BMX: variants seen among roughly 807,000 people sequenced by gnomAD.
The protein encoded by BMX is cytoplasmic tyrosine-protein kinase BMX.
In BMX, 31 loss-of-function variants were observed where a neutral mutation model predicts 59.2. The observed-to-expected ratio is 0.52, with a 90% CI of 0.39 to 0.71. The LOEUF (loss-of-function observed/expected upper bound fraction) is 0.71. Among genes scored for constraint, BMX ranks in the 30% least tolerant of loss-of-function variants. BMX has a pLI of 0.00. For synonymous variants in BMX, 185 were observed against 181.0 expected, an observed-to-expected ratio of 1.02 and a Z score of -0.18; for missense variants, 474 against 491.7, an observed-to-expected ratio of 0.96 and a Z score of 0.34.
At chrX:15,521,740 G>C (rs1203728108) in intron 6 of BMX, among the ~76,000 whole-genome samples, 1 of 111,081 alleles carries the variant, frequency 9.0e-6, no homozygotes, top group Non-Finnish European at 1.9e-5. Flanking sequence ...TTTTATAAAG[G>C]CCATTTTGAT....
Position 15,556,229 on chromosome X carries a change from T to A in BMX, c.*82T>A. The A allele has an allele frequency of 1.1e-6, 1 of 883,388 alleles. No homozygotes were observed. Among genetic ancestry groups the A allele is most frequent in the South Asian group, 2.6e-5 (1 of 38,098 alleles). 72.8% of individuals were successfully genotyped at this position (883,388 alleles called of 1,213,427 possible). ...TCATTTTAAGGAAAGTAGCAAGGCA[T>A]AATGTAATTTAGCTAGTTTTTAATA... is the stretch of plus-strand genomic sequence containing the variant. On this transcript the variant is annotated 3_prime_UTR_variant, in exon 19 of 19. Coordinates refer to ENST00000348343, the MANE Select transcript of BMX (RefSeq NM_203281.3).
intron 7 of BMX, 23 bp downstream of exon 7, chrX:15,522,610 G>C (rs1188930653): frequency 8.3e-7 from 1 of 1,208,693 alleles, no homozygotes; most frequent in African/African-American, 1.7e-5. Flanking sequence ...TTTCAGACGG[G>C]CTGCCCAGCA....
chrX:15,546,750 T>A (rs1036225743), intron 16 of BMX, 53 bp from the exon 17 acceptor site: 2 of 1,051,638 alleles, frequency 1.9e-6, no homozygotes, highest in Admixed American at 4.8e-5. Flanking sequence ...GTGTCCTTCA[T>A]CAGCCTGTAC....
intron 18 of BMX, among the ~76,000 whole-genome samples, chrX:15,554,981 T>C (rs924650476): frequency 1.8e-5 from 2 of 111,354 alleles, no homozygotes; most frequent in African/African-American, 6.5e-5. Flanking sequence ...TATGATATGT[T>C]TGAATACTAG....
chrX:15,552,055 T>C (rs750477124), intron 18 of BMX, among the ~76,000 whole-genome samples: 1 of 112,428 alleles, frequency 8.9e-6, no homozygotes, highest in Non-Finnish European at 1.9e-5. Context: ...AGACACAGTG[T>C]CCAACTGTAT....
chrX:15,534,431 T>C (rs1925237386), intron 12 of BMX, 92 bp downstream of exon 12: 2 of 823,835 alleles, frequency 2.4e-6, no homozygotes, highest in Non-Finnish European at 1.6e-6. Flanking sequence ...CTTAATTATA[T>C]AGGGAACCAT....
intron 18 of BMX, among the ~76,000 whole-genome samples, chrX:15,555,749 T>C (rs1299032468): frequency 2.7e-5 from 3 of 112,027 alleles, no homozygotes; most frequent in African/African-American, 9.7e-5. Flanking sequence ...ATTCTTTAAG[T>C]CTGTTCTAAC....
chrX:15,518,686 T>G (rs1760861610), intron 6 of BMX, among the ~76,000 whole-genome samples: 1 of 110,887 alleles, frequency 9.0e-6, no homozygotes, highest in Non-Finnish European at 1.9e-5. Context: ...GGAGGGATTT[T>G]GGGGGGGCTG....
intron 12 of BMX, among the ~76,000 whole-genome samples, chrX:15,536,143 T>A (rs760988148): frequency 8.9e-6 from 1 of 112,196 alleles, no homozygotes. Context: ...TCACATACAG[T>A]GTTTTATTCA....
chrX:15,526,787 T>C (rs1325813232), intron 9 of BMX, among the ~76,000 whole-genome samples: 1 of 109,847 alleles, frequency 9.1e-6, no homozygotes, highest in Admixed American at 9.7e-5. Flanking sequence ...GGTTTCGCCA[T>C]GTTTGCCAGG....
At chrX:15,531,477 C>A in intron 11 of BMX, 70 bp downstream of exon 11, 1 of 885,055 alleles carries the variant, frequency 1.1e-6, no homozygotes, top group Non-Finnish European at 1.6e-6. Flanking sequence ...GTCACAATCA[C>A]ATTTTGGGAT....
In BMX at chrX:15,533,216, T is replaced by C. The variant is rs142603678; in HGVS notation, c.1020-996T>C. On this transcript the variant is annotated intron_variant, in intron 11 of 18. Transcript: ENST00000348343. ...TTTTTTAGCTTTTATTTTAAGTTGA[T>C]TGGTACATGTGACAGGTTTGTTATA... Among the ~76,000 whole-genome samples, 446 of 112,185 alleles carry C rather than the reference T, an allele frequency of 4.0e-3. 2 individuals carry two copies. Among genetic ancestry groups the C allele is most frequent in the African/African-American group, 0.014 (428 of 30,950 alleles).
chrX:15,511,864 T>C (rs969241710), intron 4 of BMX, among the ~76,000 whole-genome samples: 2 of 112,124 alleles, frequency 1.8e-5, no homozygotes, highest in Admixed American at 1.9e-4. Flanking sequence ...TGTCAAGTCC[T>C]GTAGCTACCA....
chrX:15,504,114 A>G (rs752678662), intron 1 of BMX, among the ~76,000 whole-genome samples: 1 of 112,138 alleles, frequency 8.9e-6, no homozygotes, highest in South Asian at 3.7e-4. Flanking sequence ...GCTCCCTTCT[A>G]AAATACCTTA....
intron 6 of BMX, 100 bp downstream of exon 6, chrX:15,518,093 T>A: frequency 1.4e-6 from 1 of 691,555 alleles, no homozygotes; most frequent in Middle Eastern, 3.7e-4. Context: ...TCATTTAGAC[T>A]TCTCAGCAAA....
intron 18 of BMX, among the ~76,000 whole-genome samples, chrX:15,555,459 T>C (rs1034742534): frequency 8.1e-5 from 9 of 110,846 alleles, no homozygotes; most frequent in African/African-American, 3.0e-4. Context: ...TCCACTCACC[T>C]CAGCCTCCCA....
In BMX at chrX:15,530,039, T is replaced by C; in HGVS notation, c.939+12T>C. On this transcript the variant is annotated intron_variant, in intron 10 of 18. Coordinates refer to ENST00000348343, the MANE Select transcript of BMX (RefSeq NM_203281.3). The stretch of plus-strand genomic sequence containing the variant: ...TACTCAGACAAAAGGTAAATAGTCT[T>C]GTCTTTAAAACAGCCTCACAGAATC... The C allele has an allele frequency of 3.3e-6, 4 of 1,199,429 alleles. 1 individual carries two copies. In the South Asian group the frequency reaches 7.1e-5, roughly 21 times the overall value.
chrX:15,548,008 AAACT>A (rs1375886312), intron 17 of BMX, among the ~76,000 whole-genome samples: 2 of 111,873 alleles, frequency 1.8e-5, no homozygotes, highest in East Asian at 2.8e-4. Flanking sequence ...ACAATTTTTA[AAACT>A]AACTATTCCC....
At position 15,549,831 on chromosome X, in the gene BMX, G is replaced by C. The variant is rs199628215; in HGVS notation, c.1796-9G>C. The C allele has an allele frequency of 1.1e-4, 134 of 1,194,541 alleles. No homozygotes were observed. In the East Asian group the frequency reaches 3.3e-3, roughly 30 times the overall value. ...TTTTTTATCTGGGCCACCTCTTGGTGTGGTGCAGGGATCCTGATGTGGGAG... is the reference window on the plus strand; with the variant it reads ...TTTTTTATCTGGGCCACCTCTTGGTCTGGTGCAGGGATCCTGATGTGGGAG... On this transcript the variant is annotated splice_polypyrimidine_tract_variant and intron_variant, in intron 17 of 18. Coordinates refer to ENST00000348343, the MANE Select transcript of BMX (RefSeq NM_203281.3).
Sources: gnomAD v4.1 joint callset for allele counts (sites outside exome capture counted in the v4.1 genomes callset) on GRCh38, gnomAD v4.1.1 for gene constraint, MANE v1.5 for transcripts, NCBI Gene and HGNC (gene_info 2026-07-23, HGNC 2026-07-21) for gene names.